CFAP61: variants seen among roughly 807,000 people sequenced by gnomAD.
CFAP61 encodes the protein cilia and flagella associated protein 61, also known as cilia- and flagella-associated protein 61.
In CFAP61, 107 loss-of-function variants were observed where a neutral mutation model predicts 135.6. The observed-to-expected ratio is 0.79, with a 90% CI of 0.67 to 0.93. The LOEUF is 0.93. Among genes scored for constraint, CFAP61 ranks in the 40% least tolerant of loss-of-function variants. The probability of loss-of-function intolerance (pLI) is 0.00; values close to 1 mark genes in which losing one functional copy is unlikely to be tolerated. For missense variants in CFAP61, 1,507 were observed against 1,556.2 expected (o/e 0.97, Z 0.53); for synonymous variants, 575 against 578.5 (o/e 0.99, Z 0.09).
chr20:20,320,412 AAT>A (rs2057412706), intron 25 of CFAP61, among the ~76,000 whole-genome samples: 2 of 82,720 alleles, frequency 2.4e-5, no homozygotes, highest in African/African-American at 1.2e-4. Context: ...TAATATATGT[AAT>A]ATATATTATA....
chr20:20,148,029 T>C (rs577347861), intron 9 of CFAP61, among the ~76,000 whole-genome samples: 2 of 152,354 alleles, frequency 1.3e-5, no homozygotes, highest in Admixed American at 1.3e-4. Context: ...ACTTTATATT[T>C]TTCTTTGCTT....
intron 6 of CFAP61, among the ~76,000 whole-genome samples, chr20:20,087,898 A>G (rs1043278617): frequency 3.3e-5 from 5 of 151,902 alleles, no homozygotes; most frequent in South Asian, 2.1e-4. Context: ...CAAGAGCACC[A>G]TAAGACTTAA....
chr20:20,171,912 G>A (rs1225793305), intron 13 of CFAP61: 4 of 564,676 alleles, frequency 7.1e-6, no homozygotes, highest in Non-Finnish European at 1.3e-5. Flanking sequence ...GAGCACCGTA[G>A]CCACATTGCA....
chr20:20,085,350 C>T, intron 6 of CFAP61: 2 of 1,286,070 alleles, frequency 1.6e-6, no homozygotes, highest in Non-Finnish European at 2.0e-6. Context: ...CTATGTGAGG[C>T]TGATGTCATA....
intron 25 of CFAP61, among the ~76,000 whole-genome samples, chr20:20,333,843 C>T (rs2058083134): frequency 6.6e-6 from 1 of 152,180 alleles, no homozygotes; most frequent in African/African-American, 2.4e-5. Flanking sequence ...TTCTTATAGA[C>T]ATCAAAGGAC....
chr20:20,122,181 T>A (rs2049706078), intron 8 of CFAP61, among the ~76,000 whole-genome samples: 1 of 151,350 alleles, frequency 6.6e-6, no homozygotes, highest in South Asian at 2.1e-4. Flanking sequence ...TGAGACAGAG[T>A]CTCACTCTGT....
At chr20:20,162,545 C>T (rs569292864) in intron 10 of CFAP61, among the ~76,000 whole-genome samples, 11 of 152,202 alleles carry the variant, frequency 7.2e-5, no homozygotes, top group South Asian at 2.1e-4. Flanking sequence ...AAGCATGTTG[C>T]TTTTAGGAAG....
chr20:20,312,303 A>C (rs1470652297), intron 25 of CFAP61, among the ~76,000 whole-genome samples: 2 of 152,222 alleles, frequency 1.3e-5, no homozygotes, highest in African/African-American at 4.8e-5. Flanking sequence ...TAAAAAGTTA[A>C]GATGTGGAAA....
At chr20:20,278,221 G>A (rs994941922) in intron 22 of CFAP61, among the ~76,000 whole-genome samples, 1 of 152,198 alleles carries the variant, frequency 6.6e-6, no homozygotes, top group African/African-American at 2.4e-5. Flanking sequence ...CTAAGTCAGT[G>A]GCACTGCTGG....
At chr20:20,151,653 C>T (rs1254056416) in intron 9 of CFAP61, among the ~76,000 whole-genome samples, 5 of 151,516 alleles carry the variant, frequency 3.3e-5, no homozygotes, top group Non-Finnish European at 7.4e-5. Flanking sequence ...AGTGAAACCC[C>T]GTCTCTACTA....
chr20:20,337,996 C>A (rs951687612), intron 25 of CFAP61, among the ~76,000 whole-genome samples: 7 of 152,200 alleles, frequency 4.6e-5, no homozygotes, highest in African/African-American at 1.7e-4. Flanking sequence ...ACCCAAATTC[C>A]AAATGTCATT....
At chr20:20,318,984 G>A (rs141948758) in intron 25 of CFAP61, among the ~76,000 whole-genome samples, 1 of 152,324 alleles carries the variant, frequency 6.6e-6, no homozygotes, top group Admixed American at 6.5e-5. Flanking sequence ...ACATGATGCA[G>A]GGCAGAAATG....
intron 8 of CFAP61, among the ~76,000 whole-genome samples, chr20:20,130,802 T>G (rs937613748): frequency 6.6e-6 from 1 of 151,844 alleles, no homozygotes; most frequent in African/African-American, 2.4e-5. Flanking sequence ...TGAACTGCCA[T>G]GCTAATTTGG....
At chr20:20,353,929 C>A (rs1186110283) in intron 26 of CFAP61, among the ~76,000 whole-genome samples, 1 of 152,152 alleles carries the variant, frequency 6.6e-6, no homozygotes, top group African/African-American at 2.4e-5. Flanking sequence ...CCTCTGAAAA[C>A]TAAAAATAGA....
chr20:20,148,463 C>T (rs1322736729), intron 9 of CFAP61, among the ~76,000 whole-genome samples: 1 of 152,092 alleles, frequency 6.6e-6, no homozygotes, highest in Non-Finnish European at 1.5e-5. Context: ...GTAGATCTTT[C>T]ACCTCCTTGG....
chr20:20,278,452 G>A (rs1481491920), intron 22 of CFAP61, among the ~76,000 whole-genome samples: 4 of 152,194 alleles, frequency 2.6e-5, no homozygotes, highest in East Asian at 3.9e-4. Flanking sequence ...GGAAGGGGCC[G>A]GTCCATCTCA....
intron 13 of CFAP61, among the ~76,000 whole-genome samples, chr20:20,171,083 C>T (rs1041573966): frequency 6.6e-6 from 1 of 152,122 alleles, no homozygotes; most frequent in African/African-American, 2.4e-5. Context: ...AAATCGGAAC[C>T]CAGGCTGTTA....
chr20:20,243,865 C>A (rs1360719670), intron 18 of CFAP61, among the ~76,000 whole-genome samples: 1 of 152,212 alleles, frequency 6.6e-6, no homozygotes, highest in Non-Finnish European at 1.5e-5. Context: ...CTCCTAGATA[C>A]AGTGGGGGTA....
intron 13 of CFAP61, among the ~76,000 whole-genome samples, chr20:20,176,591 C>G (rs904198603): frequency 6.6e-6 from 1 of 152,168 alleles, no homozygotes; most frequent in South Asian, 2.1e-4. Flanking sequence ...TTATCCTCAG[C>G]AAACTAACAC....
Sources: gnomAD v4.1 joint callset for allele counts (sites outside exome capture counted in the v4.1 genomes callset) on GRCh38, gnomAD v4.1.1 for gene constraint, MANE v1.5 for transcripts, NCBI Gene and HGNC (gene_info 2026-07-23, HGNC 2026-07-21) for gene names.